HSD17B12: variants seen among roughly 807,000 people sequenced by gnomAD.
HSD17B12 encodes the protein hydroxysteroid 17-beta dehydrogenase 12.
Under a neutral mutation model 39.3 loss-of-function variants are expected in HSD17B12, and 32 were observed. The ratio of observed to expected loss-of-function variants is 0.81; its 90% CI spans 0.61 to 1.09. HSD17B12 has a LOEUF of 1.09. HSD17B12 is among the 50% of genes least tolerant of loss of function. The probability of loss-of-function intolerance (pLI) is 0.00; values close to 1 mark genes in which losing one functional copy is unlikely to be tolerated. For missense variants in HSD17B12, 342 were observed against 382.9 expected (o/e 0.89, Z 0.89); for synonymous variants, 150 against 146.7 (o/e 1.02, Z -0.16).
chr11:43,723,801 C>A (rs1010527348), intron 1 of HSD17B12, among the ~76,000 whole-genome samples: 1 of 152,168 alleles, frequency 6.6e-6, no homozygotes, highest in Non-Finnish European at 1.5e-5. Context: ...TTTAGACCTG[C>A]GTTGCCATTT....
chr11:43,824,778 T>G (rs186425560), intron 6 of HSD17B12, among the ~76,000 whole-genome samples: 2 of 152,310 alleles, frequency 1.3e-5, no homozygotes, highest in East Asian at 1.9e-4. Context: ...GGTGGATCAC[T>G]TGAGCCCAGG....
intron 7 of HSD17B12, among the ~76,000 whole-genome samples, chr11:43,835,729 G>A (rs1244981381): frequency 1.3e-5 from 2 of 152,076 alleles, no homozygotes; most frequent in Non-Finnish European, 2.9e-5. Flanking sequence ...ACTGTATTTT[G>A]TATGAAGTAC....
chr11:43,806,939 C>T (rs1395269397), intron 4 of HSD17B12, among the ~76,000 whole-genome samples: 1 of 152,114 alleles, frequency 6.6e-6, no homozygotes, highest in Non-Finnish European at 1.5e-5. Flanking sequence ...AAAACTTGTA[C>T]ATTTAATATG....
chr11:43,779,198 A>T (rs530954399), intron 3 of HSD17B12, among the ~76,000 whole-genome samples: 1 of 152,152 alleles, frequency 6.6e-6, no homozygotes, highest in African/African-American at 2.4e-5. Context: ...GTGAAATGAG[A>T]CCTGCTTAAA....
chr11:43,637,707 T>C, the HSD17B12 span, among the ~76,000 whole-genome samples: 1 of 152,194 alleles, frequency 6.6e-6, no homozygotes, highest in East Asian at 1.9e-4. Flanking sequence ...AGGAGACTGT[T>C]CGTTCAGAAA....
chr11:43,693,437 T>C (rs1257062715), intron 1 of HSD17B12, among the ~76,000 whole-genome samples: 1 of 152,172 alleles, frequency 6.6e-6, no homozygotes, highest in African/African-American at 2.4e-5. Flanking sequence ...ATATGTACCT[T>C]TTTAGCCCTT....
intron 1 of HSD17B12, among the ~76,000 whole-genome samples, chr11:43,688,372 A>C (rs1315290253): frequency 6.6e-6 from 1 of 152,136 alleles, no homozygotes; most frequent in Non-Finnish European, 1.5e-5. Flanking sequence ...TCTTACAGGG[A>C]CTGAGTGATG....
At chr11:43,807,658 A>G (rs1590317213) in intron 4 of HSD17B12, among the ~76,000 whole-genome samples, 2 of 152,320 alleles carry the variant, frequency 1.3e-5, no homozygotes, top group East Asian at 3.9e-4. Flanking sequence ...ATAAGACAAG[A>G]ATTGATAGGA....
At chr11:43,815,399 G>T in intron 4 of HSD17B12, 38 bp from the exon 5 acceptor site, 1 of 1,135,192 alleles carries the variant, frequency 8.8e-7, no homozygotes, top group Non-Finnish European at 1.3e-6. Flanking sequence ...TTTAAAATAT[G>T]CATATGTTAC....
the HSD17B12 span, among the ~76,000 whole-genome samples, chr11:43,617,119 G>T: frequency 5.9e-5 from 9 of 152,072 alleles, no homozygotes; most frequent in African/African-American, 2.2e-4. Flanking sequence ...TTCATACTGG[G>T]CTCTTTTAGC....
chr11:43,831,094 C>A lies in HSD17B12; in HGVS notation c.536+84C>A. ...GAGAATCCTTGCTTTGAAAAAATCA[C>A]TGAAGTGACTAATGAACCAAGCCTC... On this transcript the variant is annotated intron_variant, in intron 7 of 10. Coordinates refer to ENST00000278353, the MANE Select transcript of HSD17B12 (RefSeq NM_016142.3). This position sits in a 1 kb window ranked among gnomAD's most constrained non-coding sequence, Gnocchi z 4.1. The A allele has an allele frequency of 7.9e-7, 1 of 1,267,796 alleles. No individual in the cohort carries two copies. Among genetic ancestry groups the A allele is most frequent in the Non-Finnish European group, 1.1e-6 (1 of 893,470 alleles). The allele number at this position is 1,267,796 out of a possible 1,614,324, so 78.5% of individuals were successfully genotyped here. A position where few individuals can be genotyped will look rare whatever the true frequency, so the allele number is the denominator to read the frequency against.
At chr11:43,625,936 A>T in the HSD17B12 span, among the ~76,000 whole-genome samples, 1 of 139,826 alleles carries the variant, frequency 7.2e-6, no homozygotes, top group Non-Finnish European at 1.6e-5. Context: ...AACTACTGTA[A>T]ACATTTAAAA....
intron 9 of HSD17B12, among the ~76,000 whole-genome samples, chr11:43,841,030 T>TA (rs1476885664): frequency 6.6e-6 from 1 of 152,166 alleles, no homozygotes; most frequent in Non-Finnish European, 1.5e-5. Flanking sequence ...TCACCAACAC[T>TA]TGTTATTTTC....
intron 1 of HSD17B12, among the ~76,000 whole-genome samples, chr11:43,700,850 C>G (rs1949957478): frequency 6.6e-6 from 1 of 152,132 alleles, no homozygotes. Flanking sequence ...AGTATATACC[C>G]AGCAGTGGGA....
intron 1 of HSD17B12, among the ~76,000 whole-genome samples, chr11:43,711,398 T>C (rs540643332): frequency 6.6e-6 from 1 of 152,184 alleles, no homozygotes; most frequent in East Asian, 1.9e-4. Flanking sequence ...TTTAGAGTAA[T>C]GTATGCTTCT....
intron 1 of HSD17B12, among the ~76,000 whole-genome samples, chr11:43,710,562 CTTTAT>C (rs1330431997): frequency 1.6e-4 from 25 of 152,002 alleles, no homozygotes; most frequent in Non-Finnish European, 3.4e-4. Context: ...AATAATTTAT[CTTTAT>C]TTTATTTTTA....
At chr11:43,843,624 C>T (rs994540558) in intron 9 of HSD17B12, among the ~76,000 whole-genome samples, 13 of 152,184 alleles carry the variant, frequency 8.5e-5, no homozygotes. Context: ...CTGTTGGCAT[C>T]CTTTCCCCAA....
chr11:43,817,010 CTATATCTATATCTATATCTATATCTA>C (rs1311844802), intron 6 of HSD17B12, among the ~76,000 whole-genome samples: 13,260 of 77,132 alleles, frequency 0.17, 1,006 homozygotes, highest in African/African-American at 0.27. Flanking sequence ...ATATCTATAT[CTATATCTATATCTATATCTATATCTA>C]TATCTATATA....
At chr11:43,807,594 G>A (rs778100730) in intron 4 of HSD17B12, among the ~76,000 whole-genome samples, 10 of 152,136 alleles carry the variant, frequency 6.6e-5, no homozygotes, top group Non-Finnish European at 1.3e-4. Context: ...AATTGTAAGC[G>A]TGACTTGACA....
Sources: gnomAD v4.1 joint callset for allele counts (sites outside exome capture counted in the v4.1 genomes callset) on GRCh38, gnomAD v4.1.1 for gene constraint, Gnocchi (gnomAD v3.1) non-coding constraint, MANE v1.5 for transcripts, NCBI Gene and HGNC (gene_info 2026-07-23, HGNC 2026-07-21) for gene names.